Variants in KLRG1 observed in about 807,000 individuals in gnomAD.
The protein encoded by KLRG1 is killer cell lectin-like receptor subfamily G member 1.
A neutral mutation model predicts 21.8 loss-of-function variants in KLRG1; 16 were observed. The ratio of observed to expected loss-of-function variants is 0.73; its 90% confidence interval spans 0.50 to 1.11. The LOEUF (loss-of-function observed/expected upper bound fraction) is 1.11, where lower values mean the gene tolerates loss of function less well. Among genes scored for constraint, KLRG1 ranks in the 50% most tolerant of loss-of-function variants. KLRG1 has a pLI of 0.00. For missense variants in KLRG1, 173 were observed against 218.3 expected, an observed-to-expected ratio of 0.79 and a Z score of 1.31; for synonymous variants, 69 against 75.9, an observed-to-expected ratio of 0.91 and a Z score of 0.47.
chr12:9,145,706 T>C, the KLRG1 span, among the ~76,000 whole-genome samples: 1 of 152,220 alleles, frequency 6.6e-6, no homozygotes, highest in African/African-American at 2.4e-5. Flanking sequence ...AAACTCTCTT[T>C]AGCATTTCTG....
the KLRG1 span, chr12:9,154,636 C>G: frequency 2.5e-6 from 4 of 1,614,006 alleles, no homozygotes; most frequent in African/African-American, 4.0e-5. Context: ...GAGAAACCAC[C>G]TTGGGCGTTC....
the KLRG1 span, among the ~76,000 whole-genome samples, chr12:9,123,876 C>G: frequency 2.8e-5 from 4 of 142,242 alleles, no homozygotes; most frequent in Non-Finnish European, 5.9e-5. Flanking sequence ...GCAAGATGAG[C>G]CTAGAATATC....
At chr12:9,211,600 G>A in the KLRG1 span, among the ~76,000 whole-genome samples, 1 of 152,056 alleles carries the variant, frequency 6.6e-6, no homozygotes, top group Non-Finnish European at 1.5e-5. Flanking sequence ...CTCCATTTGG[G>A]GTGGAGATTA....
chr12:9,100,316 C>A, the KLRG1 span, among the ~76,000 whole-genome samples: 2 of 152,186 alleles, frequency 1.3e-5, no homozygotes, highest in Non-Finnish European at 2.9e-5. Flanking sequence ...CATTCTCTAA[C>A]ACAATTCTCA....
At position 9,006,472 on chromosome 12, in the gene KLRG1, G is replaced by A. The variant is rs751388872; in HGVS notation, c.358-2503G>A. On this transcript the variant is annotated intron_variant, in intron 3 of 4. Coordinates refer to ENST00000356986, the MANE Select transcript of KLRG1 (RefSeq NM_005810.4). ...GAAAAGAAAGAAGGCTCATGTGGCTGGAACCTAGGAAGTGAGTAAATGGTT... is the reference window on the plus strand; with the variant it reads ...GAAAAGAAAGAAGGCTCATGTGGCTAGAACCTAGGAAGTGAGTAAATGGTT... Among the ~76,000 whole-genome samples the A allele has an allele frequency of 3.9e-5, 6 of 152,312 alleles. No homozygotes were observed. In the South Asian group the frequency reaches 1.2e-3, roughly 32 times the overall value.
chr12:9,158,795 T>C, the KLRG1 span, among the ~76,000 whole-genome samples: 1 of 150,856 alleles, frequency 6.6e-6, no homozygotes, highest in East Asian at 1.9e-4. Flanking sequence ...GTTGTTCAAT[T>C]CATTACCAGC....
chr12:9,009,231 T>G (rs1947569377), intron 4 of KLRG1, among the ~76,000 whole-genome samples, 156 bp downstream of exon 4: 2 of 105,874 alleles, frequency 1.9e-5, no homozygotes, highest in African/African-American at 4.6e-5. Context: ...GAACAATGGG[T>G]AAGGGCAAAA....
chr12:9,197,297 C>T, the KLRG1 span, among the ~76,000 whole-genome samples: 2 of 149,718 alleles, frequency 1.3e-5, no homozygotes, highest in Non-Finnish European at 3.0e-5. Flanking sequence ...GCCATTAAAA[C>T]CTTTGAAACT....
At chr12:9,095,516 C>G in the KLRG1 span, 33 of 1,599,608 alleles carry the variant, frequency 2.1e-5, no homozygotes, top group Non-Finnish European at 2.7e-5. Flanking sequence ...AAGATCAGAC[C>G]ATCTGCAACA....
At chr12:9,116,138 C>A in the KLRG1 span, 1 of 394,660 alleles carries the variant, frequency 2.5e-6, no homozygotes. Flanking sequence ...TTTTACCGTA[C>A]AGCAGCTAAT....
the KLRG1 span, chr12:9,070,490 T>C: frequency 6.2e-7 from 1 of 1,612,130 alleles, no homozygotes; most frequent in African/African-American, 1.3e-5. Flanking sequence ...AAACCTACCA[T>C]TTTCACTGTT....
At chr12:9,010,943 T>G (rs1430407475), downstream of KLRG1, among the ~76,000 whole-genome samples, 1 of 152,178 alleles carries the variant, frequency 6.6e-6, no homozygotes, top group Non-Finnish European at 1.5e-5. Flanking sequence ...CAAGCTCCCA[T>G]CCCCTAGTGA....
the KLRG1 span, among the ~76,000 whole-genome samples, chr12:9,180,123 C>A: frequency 6.6e-6 from 1 of 152,004 alleles, no homozygotes; most frequent in Non-Finnish European, 1.5e-5. Context: ...TCAATAGAGG[C>A]TTATTTATTT....
chr12:9,049,875 T>A, the KLRG1 span, among the ~76,000 whole-genome samples: 1 of 152,216 alleles, frequency 6.6e-6, no homozygotes, highest in African/African-American at 2.4e-5. Context: ...GAATCTGATA[T>A]ATGCTATACG....
At chr12:8,959,740 G>A (rs1464814626) in intron 1 of KLRG1, among the ~76,000 whole-genome samples, 1 of 152,084 alleles carries the variant, frequency 6.6e-6, no homozygotes, top group Non-Finnish European at 1.5e-5. Flanking sequence ...TCAGTGTAGA[G>A]GACTTACGTG....
intron 1 of KLRG1, among the ~76,000 whole-genome samples, chr12:8,955,428 T>C (rs1435161556): frequency 1.6e-5 from 2 of 127,322 alleles, no homozygotes; most frequent in Non-Finnish European, 3.2e-5. Context: ...AGAGTCTCTA[T>C]CACTCAGGCT....
At chr12:9,163,605 C>T in the KLRG1 span, 2 of 1,569,630 alleles carry the variant, frequency 1.3e-6, no homozygotes, top group Non-Finnish European at 1.7e-6. Context: ...TCTTTGTTGT[C>T]TCAAGAGTGA....
the KLRG1 span, among the ~76,000 whole-genome samples, chr12:9,215,058 C>T: frequency 6.6e-6 from 1 of 151,852 alleles, no homozygotes; most frequent in Non-Finnish European, 1.5e-5. Flanking sequence ...ATTTCCTATT[C>T]ATTTTGTTAG....
chr12:9,031,878 A>G, the KLRG1 span, among the ~76,000 whole-genome samples: 1 of 152,226 alleles, frequency 6.6e-6, no homozygotes, highest in Non-Finnish European at 1.5e-5. Flanking sequence ...CTGCCCTGAC[A>G]AAGTACCATA....
Sources: allele counts gnomAD v4.1 joint callset (sites outside exome capture counted in the v4.1 genomes callset), GRCh38; gene constraint gnomAD v4.1.1; transcripts MANE v1.5; gene names NCBI Gene and HGNC (gene_info 2026-07-23, HGNC 2026-07-21).